The following ATRNL1 variants were observed in gnomAD, a reference collection of about 807,000 sequenced individuals.
ATRNL1 encodes the protein attractin-like protein 1.
ATRNL1 carries 95 observed loss-of-function variants against 182.7 expected under a neutral mutation model. The ratio of observed to expected loss-of-function variants is 0.52; its 90% CI spans 0.44 to 0.62. The LOEUF is 0.62. ATRNL1 is among the 20% of genes least tolerant of loss of function. The pLI is 0.00. For missense variants in ATRNL1, 1,471 were observed against 1,679.5 expected, an observed-to-expected ratio of 0.88 and a Z score of 2.17; for synonymous variants, 576 against 568.3, an observed-to-expected ratio of 1.01 and a Z score of -0.19.
intron 5 of ATRNL1, among the ~76,000 whole-genome samples, chr10:115,136,361 C>A (rs976528548): frequency 2.6e-5 from 4 of 152,122 alleles, no homozygotes; most frequent in Admixed American, 2.0e-4. Flanking sequence ...CCTCCTGCCC[C>A]AATGCATACA....
At chr10:115,269,442 C>T (rs1437952077) in intron 13 of ATRNL1, among the ~76,000 whole-genome samples, 2 of 152,074 alleles carry the variant, frequency 1.3e-5, no homozygotes, top group Non-Finnish European at 2.9e-5. Flanking sequence ...TCAAGTGATT[C>T]TTCTGCCTCA....
At chr10:115,477,145 A>C (rs551378674) in intron 24 of ATRNL1, among the ~76,000 whole-genome samples, 2 of 151,702 alleles carry the variant, frequency 1.3e-5, no homozygotes, top group South Asian at 4.1e-4. Flanking sequence ...ATTTACAAAA[A>C]TCACATGGGT....
intron 28 of ATRNL1, among the ~76,000 whole-genome samples, chr10:115,899,974 G>T (rs1035204773): frequency 1.1e-4 from 16 of 152,086 alleles, no homozygotes; most frequent in African/African-American, 3.9e-4. Context: ...TGAAAATGAA[G>T]ATCAAAGAGA....
intron 8 of ATRNL1, among the ~76,000 whole-genome samples, chr10:115,210,989 T>C (rs1033755770): frequency 1.3e-5 from 2 of 151,732 alleles, no homozygotes; most frequent in African/African-American, 4.8e-5. Flanking sequence ...TAAACATTCA[T>C]GAGAAGGATA....
intron 27 of ATRNL1, among the ~76,000 whole-genome samples, chr10:115,749,653 A>G (rs1293003932): frequency 6.6e-6 from 1 of 151,888 alleles, no homozygotes; most frequent in East Asian, 1.9e-4. Context: ...TTGCTGGAGA[A>G]TAATTGATTC....
chr10:115,934,351 C>T (rs1252392453), intron 28 of ATRNL1, among the ~76,000 whole-genome samples: 1 of 152,186 alleles, frequency 6.6e-6, no homozygotes, highest in Non-Finnish European at 1.5e-5. Flanking sequence ...TCCATCTATG[C>T]TAATTACTCC....
chr10:115,165,404 T>A (rs1315236301), intron 6 of ATRNL1, among the ~76,000 whole-genome samples, 154 bp from the exon 7 acceptor site: 1 of 152,046 alleles, frequency 6.6e-6, no homozygotes, highest in African/African-American at 2.4e-5. Context: ...TTATTAGAAA[T>A]TTCTAATATG....
At chr10:115,516,520 A>G (rs1024150775) in intron 24 of ATRNL1, among the ~76,000 whole-genome samples, 1 of 151,840 alleles carries the variant, frequency 6.6e-6, no homozygotes, top group Non-Finnish European at 1.5e-5. Flanking sequence ...TTCTCACCCA[A>G]CAGCCAGAAT....
intron 18 of ATRNL1, 70 bp from the exon 19 acceptor site, chr10:115,334,212 C>G: frequency 9.7e-7 from 1 of 1,035,024 alleles, no homozygotes; most frequent in Non-Finnish European, 1.3e-6. Context: ...AAGATACATT[C>G]TTTGTTTTGA....
chr10:115,843,072 C>G (rs1219996408), intron 27 of ATRNL1, among the ~76,000 whole-genome samples: 1 of 152,026 alleles, frequency 6.6e-6, no homozygotes, highest in East Asian at 1.9e-4. Context: ...CACCATGTGA[C>G]CTCTGTGACA....
chr10:115,835,609 A>G (rs1468117259), intron 27 of ATRNL1, among the ~76,000 whole-genome samples: 1 of 152,222 alleles, frequency 6.6e-6, no homozygotes, highest in African/African-American at 2.4e-5. Context: ...ATACCACAAC[A>G]TATAAAATTG....
chr10:115,257,610 T>C (rs1851209213), intron 10 of ATRNL1, among the ~76,000 whole-genome samples: 1 of 152,198 alleles, frequency 6.6e-6, no homozygotes, highest in South Asian at 2.1e-4. Context: ...CATTTCCATT[T>C]AAGGTTAATA....
At chr10:115,273,561 ATTGAG>A (rs1280670844) in intron 13 of ATRNL1, among the ~76,000 whole-genome samples, 1 of 152,166 alleles carries the variant, frequency 6.6e-6, no homozygotes, top group Non-Finnish European at 1.5e-5. Flanking sequence ...CAGAATAAAC[ATTGAG>A]AAGCACTGTT....
intron 26 of ATRNL1, among the ~76,000 whole-genome samples, chr10:115,711,710 A>G (rs1315359013): frequency 6.6e-6 from 1 of 152,212 alleles, no homozygotes; most frequent in African/African-American, 2.4e-5. Context: ...GGAACAGGAC[A>G]TATATCAAAT....
intron 8 of ATRNL1, among the ~76,000 whole-genome samples, chr10:115,183,293 C>G (rs1554888127): frequency 6.6e-6 from 1 of 151,228 alleles, no homozygotes. Context: ...GCACCACATT[C>G]CCAATTCAAA....
At chr10:115,742,943 G>A (rs1450164452) in intron 27 of ATRNL1, among the ~76,000 whole-genome samples, 1 of 152,092 alleles carries the variant, frequency 6.6e-6, no homozygotes, top group Non-Finnish European at 1.5e-5. Context: ...TGGCTGGGGA[G>A]GCTTCAGGAA....
chr10:115,871,469 T>A lies in ATRNL1; in HGVS notation c.4018+23478T>A, dbSNP rs1414305632. On this transcript the variant is annotated intron_variant, in intron 28 of 28. Transcript: ENST00000355044. ...TCCTAGAAAGGCCTGGTCAGATTCT[T>A]TGTGTGTGTGTATATATATATATAT... Among the ~76,000 whole-genome samples, 55 of 140,254 alleles carry A rather than the reference T, an allele frequency of 3.9e-4. 1 individual carries two copies. The highest frequency in any genetic ancestry group is 1.3e-3 in the African/African-American group (51 of 37,796). 92.0% of individuals were successfully genotyped at this position (140,254 alleles called of 152,430 possible).
chr10:115,789,690 T>C (rs1455490373), intron 27 of ATRNL1, among the ~76,000 whole-genome samples: 1 of 152,218 alleles, frequency 6.6e-6, no homozygotes, highest in Non-Finnish European at 1.5e-5. Flanking sequence ...CTCTGTATTT[T>C]CCCATCATTC....
At chr10:115,648,684 C>T (rs1428940776) in intron 26 of ATRNL1, among the ~76,000 whole-genome samples, 1 of 152,184 alleles carries the variant, frequency 6.6e-6, no homozygotes, top group African/African-American at 2.4e-5. Context: ...ATCATTAACT[C>T]CTCCCCAAGG....
Sources: allele counts gnomAD v4.1 joint callset (sites outside exome capture counted in the v4.1 genomes callset), GRCh38; gene constraint gnomAD v4.1.1; transcripts MANE v1.5; gene names NCBI Gene and HGNC (gene_info 2026-07-23, HGNC 2026-07-21).